Variants in EPAS1 observed in about 807,000 individuals in gnomAD.
EPAS1 encodes the protein endothelial PAS domain protein 1, also known as endothelial PAS domain-containing protein 1.
A neutral mutation model predicts 87.9 loss-of-function variants in EPAS1; 23 were observed. The observed-to-expected ratio is 0.26, with a 90% confidence interval of 0.19 to 0.37. EPAS1 has a LOEUF of 0.37. Ranked by LOEUF, EPAS1 falls within the 10% of genes least tolerant of loss-of-function variation. The probability of loss-of-function intolerance (pLI) is 1.00; values close to 1 mark genes in which losing one functional copy is unlikely to be tolerated. For synonymous variants in EPAS1, 508 were observed against 444.3 expected, an observed-to-expected ratio of 1.14 and a Z score of -1.80; for missense variants, 1,138 against 1,120.7, an observed-to-expected ratio of 1.02 and a Z score of -0.22.
intron 1 of EPAS1, among the ~76,000 whole-genome samples, chr2:46,311,069 G>A (rs1181468052): frequency 2.6e-5 from 4 of 152,054 alleles, no homozygotes; most frequent in African/African-American, 9.7e-5. Context: ...TAGTAGAGAC[G>A]GGGTTTCACC....
intron 1 of EPAS1, among the ~76,000 whole-genome samples, chr2:46,310,269 C>T (rs954760316): frequency 6.6e-6 from 1 of 152,034 alleles, no homozygotes; most frequent in African/African-American, 2.4e-5. Context: ...AAGCCTTTGT[C>T]CCCCTCATTA....
At chr2:46,341,473 T>C (rs1381079993) in intron 1 of EPAS1, among the ~76,000 whole-genome samples, 1 of 152,246 alleles carries the variant, frequency 6.6e-6, no homozygotes, top group Non-Finnish European at 1.5e-5. Context: ...GGTGGCTTCT[T>C]TGAAGGGTAG....
chr2:46,346,833 CAGT>C lies in EPAS1; in HGVS notation c.27-38_27-36del. On this transcript the variant is annotated intron_variant, in intron 1 of 15. Coordinates refer to ENST00000263734, the MANE Select transcript of EPAS1 (RefSeq NM_001430.5). This position sits in a 1 kb window ranked among gnomAD's most constrained non-coding sequence, Gnocchi z 4.0. ...CCTGGCCAGAGGTATGATAGGCTGA[CAGT>C]AACCTTTCCGGGACTAACCCCTTCT... The C allele has an allele frequency of 1.2e-6, 2 of 1,610,816 alleles. No individual in the cohort carries two copies. Among genetic ancestry groups the C allele is most frequent in the Non-Finnish European group, 8.5e-7 (1 of 1,177,856 alleles).
intron 7 of EPAS1, among the ~76,000 whole-genome samples, chr2:46,370,486 G>A (rs1399417844): frequency 1.3e-5 from 2 of 152,162 alleles, no homozygotes; most frequent in Non-Finnish European, 2.9e-5. Flanking sequence ...ACAGTTCTCA[G>A]AGAGCTTGCT....
chr2:46,378,001 A>G lies in EPAS1; in HGVS notation c.1357A>G (p.Ser453Gly), dbSNP rs2103667448. Residue 453 changes from serine to glycine, a missense_variant, in exon 10 of 16, where the codon AGC becomes GGC. Physicochemically the swap from Ser to Gly is moderately conservative, Grantham distance 56 (BLOSUM62 0). Coordinates refer to ENST00000263734, the MANE Select transcript of EPAS1 (RefSeq NM_001430.5). The stretch of plus-strand genomic sequence containing the variant: ...CCACAGCACCCAGAGCGAGGCTGGG[A>G]GCCTGCCTGCCTTCACCGTGCCCCA... ...RSHSTQSEAG[S>G]LPAFTVPQAA... The G allele has an allele frequency of 2.5e-6, 4 of 1,592,274 alleles. No homozygotes were observed. The highest frequency in any genetic ancestry group is 3.4e-6 in the Non-Finnish European group (4 of 1,169,620).
At chr2:46,331,290 T>C (rs1234402548) in intron 1 of EPAS1, among the ~76,000 whole-genome samples, 2 of 152,212 alleles carry the variant, frequency 1.3e-5, no homozygotes, top group Non-Finnish European at 2.9e-5. Flanking sequence ...TCTTCCCTTC[T>C]CTATCCCCAG....
chr2:46,372,121 T>G (rs1408470571), intron 7 of EPAS1, among the ~76,000 whole-genome samples: 1 of 152,200 alleles, frequency 6.6e-6, no homozygotes, highest in Non-Finnish European at 1.5e-5. Context: ...CACTGAAAGG[T>G]AACTCACAGC....
intron 6 of EPAS1, among the ~76,000 whole-genome samples, chr2:46,369,278 C>T (rs1382957240): frequency 3.3e-5 from 5 of 152,314 alleles, no homozygotes; most frequent in Middle Eastern, 3.4e-3. Context: ...TTCTGCCTGC[C>T]TGGACTCCCT....
intron 1 of EPAS1, among the ~76,000 whole-genome samples, chr2:46,338,098 T>G (rs1028332852): frequency 3.9e-5 from 6 of 152,206 alleles, no homozygotes; most frequent in African/African-American, 1.4e-4. Flanking sequence ...CTTATTGGCC[T>G]TGTAGGGAAG....
In EPAS1 at chr2:46,360,935, C is replaced by G; in HGVS notation, c.624C>G (p.His208Gln). ...AAGTCTACAACAACTGCCCTCCTCACAATAGTCTGTGTGGCTACAAGGAGC... is the reference window on the plus strand; with the variant it reads ...AAGTCTACAACAACTGCCCTCCTCAGAATAGTCTGTGTGGCTACAAGGAGC... ...QVKVYNNCPPHNSLCGYKEPL... is the reference protein window; with the variant it reads ...QVKVYNNCPPQNSLCGYKEPL... The change falls in exon 6 of 16, where the codon CAC (histidine) becomes CAG (glutamine). Residue 208 changes from histidine to glutamine, a missense_variant. Transcript: ENST00000263734. The surrounding 1 kb of genome is among the most constrained non-coding windows in gnomAD (Gnocchi z 4.5). The G allele has an allele frequency of 6.2e-7, 1 of 1,614,226 alleles. No homozygotes were observed. The highest frequency in any genetic ancestry group is 8.5e-7 in the Non-Finnish European group (1 of 1,180,044).
intron 12 of EPAS1, chr2:46,381,365 G>A: frequency 1.6e-6 from 1 of 613,270 alleles, no homozygotes; most frequent in South Asian, 1.9e-5. Context: ...CAGCCAGGCA[G>A]CCATCCCCCA....
intron 1 of EPAS1, among the ~76,000 whole-genome samples, chr2:46,324,080 T>G (rs1201558452): frequency 1.3e-5 from 2 of 152,242 alleles, no homozygotes; most frequent in Non-Finnish European, 1.5e-5. Context: ...TGTTTGTTTG[T>G]TTTTGAGACG....
chr2:46,378,843 T>A, intron 11 of EPAS1, 76 bp downstream of exon 11: 1 of 1,312,610 alleles, frequency 7.6e-7, no homozygotes, highest in Non-Finnish European at 1.1e-6. Flanking sequence ...TCCATTCTTG[T>A]AGCCTCATCC....
intron 1 of EPAS1, among the ~76,000 whole-genome samples, chr2:46,310,200 T>G (rs1335058930): frequency 6.6e-6 from 1 of 152,154 alleles, no homozygotes; most frequent in Non-Finnish European, 1.5e-5. Flanking sequence ...CATGTTCTCT[T>G]TCTGATGGTA....
chr2:46,308,477 A>T (rs1288747917), intron 1 of EPAS1, among the ~76,000 whole-genome samples: 1 of 141,726 alleles, frequency 7.1e-6, no homozygotes, highest in Non-Finnish European at 1.5e-5. Context: ...GGGGGCTCTG[A>T]AATCATGCTT....
intron 7 of EPAS1, among the ~76,000 whole-genome samples, chr2:46,374,320 A>G (rs1684686820): frequency 6.6e-6 from 1 of 152,072 alleles, no homozygotes; most frequent in African/African-American, 2.4e-5. Flanking sequence ...CCCTCATGAG[A>G]CTATCTACCA....
intron 1 of EPAS1, among the ~76,000 whole-genome samples, chr2:46,314,795 A>G (rs184671431): frequency 5.3e-5 from 8 of 152,362 alleles, no homozygotes; most frequent in South Asian, 2.1e-4. Flanking sequence ...AGAGGGGCAG[A>G]GACTTGGAAG....
rs778539528 is a variant in EPAS1, at chr2:46,382,073, C to T, written c.2271C>T (p.Ser757=). Residue 757 remains serine, a synonymous_variant, in exon 14 of 16, where the codon AGC becomes AGT. Coordinates refer to ENST00000263734, the MANE Select transcript of EPAS1 (RefSeq NM_001430.5). ...CTTTGATGCCGGACAAGCCACTGAGCGCAAATGTACCCAATGGTGAGCAGC... is the reference window on the plus strand; with the variant it reads ...CTTTGATGCCGGACAAGCCACTGAGTGCAAATGTACCCAATGGTGAGCAGC... ...SCPLMPDKPL[S]ANVPNDKFTQ... is the part of the protein sequence containing the mutation. The T allele has an allele frequency of 2.1e-5, 34 of 1,613,820 alleles. No homozygotes were observed. Among genetic ancestry groups the T allele is most frequent in the Non-Finnish European group, 2.8e-5 (33 of 1,179,996 alleles).
At chr2:46,356,945 T>C (rs998493494) in intron 4 of EPAS1, 137 bp downstream of exon 4, 3 of 697,410 alleles carry the variant, frequency 4.3e-6, no homozygotes, top group East Asian at 2.8e-5. Context: ...AATTTAAGTA[T>C]GTAGCCTGTG....
Sources: gnomAD v4.1 joint callset for allele counts (sites outside exome capture counted in the v4.1 genomes callset) on GRCh38, gnomAD v4.1.1 for gene constraint, Gnocchi (gnomAD v3.1) non-coding constraint, MANE v1.5 for transcripts, NCBI Gene and HGNC (gene_info 2026-07-23, HGNC 2026-07-21) for gene names.